NPAS3: variants seen among roughly 807,000 people sequenced by gnomAD.
NPAS3 encodes the protein neuronal PAS domain-containing protein 3.
NPAS3 carries 14 observed loss-of-function variants against 73.1 expected under a neutral mutation model. The observed-to-expected ratio is 0.19, with a 90% CI of 0.13 to 0.30. The LOEUF (loss-of-function observed/expected upper bound fraction) is 0.30. Ranked by LOEUF, NPAS3 falls within the 10% of genes least tolerant of loss-of-function variation. The pLI, the probability that NPAS3 is intolerant of heterozygous loss-of-function variation, is 1.00. For missense variants in NPAS3, 1,096 were observed against 1,250.0 expected (o/e 0.88, Z 1.86); for synonymous variants, 620 against 541.5 (o/e 1.14, Z -2.01).
chr14:33,697,676 G>A (rs1412330257), intron 6 of NPAS3, among the ~76,000 whole-genome samples: 2 of 152,132 alleles, frequency 1.3e-5, no homozygotes, highest in East Asian at 3.9e-4. Context: ...AGTGTGCCTC[G>A]AAGTTGTAAC....
intron 3 of NPAS3, among the ~76,000 whole-genome samples, chr14:33,256,990 C>T (rs2048801478): frequency 6.6e-6 from 1 of 152,062 alleles, no homozygotes; most frequent in South Asian, 2.1e-4. Flanking sequence ...TAAATAGATC[C>T]CTCTTCAGAC....
At chr14:33,579,557 G>A (rs2056580702) in intron 5 of NPAS3, among the ~76,000 whole-genome samples, 2 of 152,136 alleles carry the variant, frequency 1.3e-5, no homozygotes, top group Admixed American at 6.5e-5. Flanking sequence ...CAGAATCAAT[G>A]TACTCCCCAT....
intron 3 of NPAS3, among the ~76,000 whole-genome samples, chr14:33,341,587 G>T (rs17100693): frequency 1.6e-3 from 240 of 152,216 alleles, no homozygotes; most frequent in African/African-American, 5.3e-3. Context: ...GGGGCGATCT[G>T]GGTATAAATG....
intron 3 of NPAS3, among the ~76,000 whole-genome samples, chr14:33,244,120 A>G (rs937822662): frequency 6.6e-6 from 1 of 151,000 alleles, no homozygotes; most frequent in African/African-American, 2.4e-5. Context: ...TTTCAATTTT[A>G]TTGATATCTA....
chr14:33,009,025 A>G (rs1052524436), intron 1 of NPAS3, among the ~76,000 whole-genome samples: 6 of 152,202 alleles, frequency 3.9e-5, no homozygotes, highest in Non-Finnish European at 7.3e-5. Flanking sequence ...TGTGACTGTT[A>G]TAGACTAGCA....
At chr14:33,755,971 C>A (rs547306626) in intron 7 of NPAS3, among the ~76,000 whole-genome samples, 1 of 152,224 alleles carries the variant, frequency 6.6e-6, no homozygotes, top group East Asian at 1.9e-4. Context: ...TCACTCACCC[C>A]TGAGGGAGAC....
chr14:33,714,183 C>G (rs936603005), intron 6 of NPAS3, among the ~76,000 whole-genome samples: 6 of 152,016 alleles, frequency 3.9e-5, no homozygotes, highest in African/African-American at 1.5e-4. Flanking sequence ...TTACAACTCT[C>G]TCCCTCAGCA....
At chr14:32,983,322 G>T (rs2037974339) in intron 1 of NPAS3, among the ~76,000 whole-genome samples, 1 of 152,000 alleles carries the variant, frequency 6.6e-6, no homozygotes, top group Admixed American at 6.6e-5. Flanking sequence ...TCACCAAATT[G>T]TGTATGTGTG....
At chr14:33,783,865 CAGACCATACTAGTCTTT>C (rs2063059761) in intron 9 of NPAS3, among the ~76,000 whole-genome samples, 1 of 152,194 alleles carries the variant, frequency 6.6e-6, no homozygotes, top group African/African-American at 2.4e-5. Flanking sequence ...TTGAAAAGTA[CAGACCATACTAGTCTTT>C]AGACGGCACT....
intron 3 of NPAS3, among the ~76,000 whole-genome samples, chr14:33,252,885 T>G (rs1189086442): frequency 6.6e-6 from 1 of 151,942 alleles, no homozygotes; most frequent in Non-Finnish European, 1.5e-5. Flanking sequence ...AGTGAGAACA[T>G]GCTGTATTTG....
At chr14:33,239,690 T>A (rs2048155360) in intron 3 of NPAS3, among the ~76,000 whole-genome samples, 1 of 151,896 alleles carries the variant, frequency 6.6e-6, no homozygotes, top group Non-Finnish European at 1.5e-5. Context: ...CTATCGTTTT[T>A]AACATAAACA....
chr14:33,278,169 C>G (rs539991884), intron 3 of NPAS3, among the ~76,000 whole-genome samples: 2 of 152,176 alleles, frequency 1.3e-5, no homozygotes, highest in South Asian at 4.1e-4. Flanking sequence ...TTAGGAAACA[C>G]ACGAGTTTGG....
chr14:33,234,422 C>T (rs973049375), intron 3 of NPAS3, among the ~76,000 whole-genome samples: 1 of 152,088 alleles, frequency 6.6e-6, no homozygotes, highest in African/African-American at 2.4e-5. Flanking sequence ...GTGGTTGCCT[C>T]TATGGTTAGA....
At chr14:33,126,534 G>A (rs2043432981) in intron 2 of NPAS3, among the ~76,000 whole-genome samples, 1 of 152,122 alleles carries the variant, frequency 6.6e-6, no homozygotes, top group African/African-American at 2.4e-5. Flanking sequence ...GCGGGTGGGT[G>A]GGGAGAGCTG....
chr14:33,695,146 C>CCTAA, intron 6 of NPAS3, among the ~76,000 whole-genome samples: 1 of 152,278 alleles, frequency 6.6e-6, no homozygotes, highest in South Asian at 2.1e-4. Context: ...CTTTTTGATT[C>CCTAA]CTAACTCTGC....
At chr14:33,581,366 T>A (rs1595202831) in intron 5 of NPAS3, among the ~76,000 whole-genome samples, 1 of 152,304 alleles carries the variant, frequency 6.6e-6, no homozygotes, top group East Asian at 1.9e-4. Context: ...AATGTTTTAA[T>A]ACATTTTTAA....
chr14:33,357,973 C>T (rs2045415331), intron 3 of NPAS3, among the ~76,000 whole-genome samples: 1 of 152,170 alleles, frequency 6.6e-6, no homozygotes, highest in African/African-American at 2.4e-5. Context: ...TGCATGACTC[C>T]AGAACCCCAA....
chr14:33,262,365 C>T (rs2049005471), intron 3 of NPAS3, among the ~76,000 whole-genome samples: 1 of 152,150 alleles, frequency 6.6e-6, no homozygotes, highest in South Asian at 2.1e-4. Context: ...TTTAGATTTC[C>T]TTCAAGTTCT....
intron 2 of NPAS3, among the ~76,000 whole-genome samples, chr14:33,171,257 A>G (rs1354880892): frequency 6.6e-6 from 1 of 152,206 alleles, no homozygotes; most frequent in Non-Finnish European, 1.5e-5. Flanking sequence ...TCAATAAACC[A>G]TGGTGTAAAC....
Sources: allele counts gnomAD v4.1 joint callset (sites outside exome capture counted in the v4.1 genomes callset), GRCh38; gene constraint gnomAD v4.1.1; transcripts MANE v1.5; gene names NCBI Gene and HGNC (gene_info 2026-07-23, HGNC 2026-07-21).